The following DNPEP variants were observed in gnomAD, a reference collection of about 807,000 sequenced individuals.
DNPEP encodes the protein aspartyl aminopeptidase.
Under a neutral mutation model 59.1 loss-of-function variants are expected in DNPEP, and 46 were observed. The observed-to-expected ratio is 0.78, with a 90% confidence interval of 0.61 to 0.99. The LOEUF (loss-of-function observed/expected upper bound fraction) is 0.99, where lower values mean the gene tolerates loss of function less well. DNPEP is among the 50% of genes least tolerant of loss of function. DNPEP has a pLI of 0.00. For synonymous variants in DNPEP, 229 were observed against 242.2 expected, an observed-to-expected ratio of 0.95 and a Z score of 0.50; for missense variants, 617 against 649.9, an observed-to-expected ratio of 0.95 and a Z score of 0.55.
intron 10 of DNPEP, among the ~76,000 whole-genome samples, chr2:219,382,412 C>A (rs1478807647): frequency 6.6e-6 from 1 of 152,216 alleles, no homozygotes; most frequent in African/African-American, 2.4e-5. Context: ...AGGTGCCCCA[C>A]CACACTGGTC....
intron 10 of DNPEP, 107 bp downstream of exon 10, chr2:219,383,022 CCT>C (rs1281135458): frequency 6.6e-6 from 6 of 904,902 alleles, no homozygotes; most frequent in South Asian, 3.0e-5. Flanking sequence ...CAGCATCTCC[CCT>C]GTCTTGGGGC....
At chr2:219,381,688 C>CACTGGGCTGGGCGGGAAA in intron 11 of DNPEP, 104 bp from the exon 12 acceptor site, 1 of 1,329,772 alleles carries the variant, frequency 7.5e-7, no homozygotes, top group Non-Finnish European at 1.1e-6. Context: ...CACTCTTTCC[C>CACTGGGCTGGGCGGGAAA]GCCCAGCCCA....
upstream of DNPEP, among the ~76,000 whole-genome samples, chr2:219,391,307 A>C (rs1954012604): frequency 6.6e-6 from 1 of 152,120 alleles, no homozygotes; most frequent in African/African-American, 2.4e-5. Context: ...GTATGTTTGC[A>C]CAGACCTTTA....
At chr2:219,398,543 G>A (rs1473478162) in intron 1 of DNPEP, among the ~76,000 whole-genome samples, 1 of 152,100 alleles carries the variant, frequency 6.6e-6, no homozygotes, top group Non-Finnish European at 1.5e-5. Context: ...CTAGCTACTT[G>A]GGAGGATGAG....
At chr2:219,376,378 C>G (rs1039318845) in intron 13 of DNPEP, among the ~76,000 whole-genome samples, 1 of 151,702 alleles carries the variant, frequency 6.6e-6, no homozygotes, top group Non-Finnish European at 1.5e-5. Context: ...ATCCCAGCTA[C>G]TCAGGTGGCT....
chr2:219,386,487 A>AAC, intron 4 of DNPEP, 76 bp from the exon 5 acceptor site: 1 of 1,583,914 alleles, frequency 6.3e-7, no homozygotes. Context: ...ACTCATAAGT[A>AAC]ACAGACAGCG....
chr2:219,389,802 C>T (rs1390614213), upstream of DNPEP, among the ~76,000 whole-genome samples: 1 of 144,774 alleles, frequency 6.9e-6, no homozygotes, highest in African/African-American at 2.7e-5. Flanking sequence ...CACTGCACTC[C>T]AGCCTGGGCG....
At chr2:219,380,860 C>CACACACACACACACACAT (rs1953567326) in intron 13 of DNPEP, among the ~76,000 whole-genome samples, 1 of 151,986 alleles carries the variant, frequency 6.6e-6, no homozygotes, top group African/African-American at 2.4e-5. Flanking sequence ...CACACACACA[C>CACACACACACACACACAT]ACTGAGGAGA....
rs563852167 is a variant in DNPEP, at chr2:219,383,995, T to G, written c.852+371A>C. Among the ~76,000 whole-genome samples, 24 of 151,820 alleles carry G rather than the reference T, an allele frequency of 1.6e-4. No homozygotes were observed. In the South Asian group the frequency reaches 4.8e-3, roughly 30 times the overall value. ...AGGCTGGGGTCTTAAGCCTGGGGAG[T>G]GGCGTAGGAAGCAGAAGGAGGTGGA... On this transcript the variant is annotated intron_variant, in intron 9 of 14. Coordinates refer to ENST00000273075, the MANE Select transcript of DNPEP (RefSeq NM_012100.4).
intron 13 of DNPEP, among the ~76,000 whole-genome samples, chr2:219,375,770 C>T (rs1333680385): frequency 6.6e-6 from 1 of 152,154 alleles, no homozygotes; most frequent in Non-Finnish European, 1.5e-5. Flanking sequence ...CCATATTGGC[C>T]AGGCTGTTCT....
chr2:219,385,362 G>A, intron 8 of DNPEP, 62 bp downstream of exon 8: 1 of 1,162,612 alleles, frequency 8.6e-7, no homozygotes, highest in South Asian at 1.3e-5. Flanking sequence ...CAGCAGGACG[G>A]GCTAGGGGTG....
rs760261987 is a variant in DNPEP, at chr2:219,386,769, T to C, written c.229A>G (p.Thr77Ala). Reference protein sequence around the residue: ...NIKPESKYFMTRNSSTIIAFA... With the variant: ...NIKPESKYFMARNSSTIIAFA... ...GCTATGATGGTGGAGGAGTTCCTGG[T>C]CATGAAGTACTGAGGAGAAGGGGAG... Residue 77 changes from threonine to alanine, a missense_variant, in exon 4 of 15, where the codon ACC becomes GCC. Thr to Ala is a moderately conservative substitution (Grantham distance 58, BLOSUM62 0). Coordinates refer to ENST00000273075, the MANE Select transcript of DNPEP (RefSeq NM_012100.4). 3.7e-6 allele frequency: 6 copies of C among 1,612,846 alleles called. No homozygotes were observed. The highest frequency in any genetic ancestry group is 5.1e-6 in the Non-Finnish European group (6 of 1,179,498).
At chr2:219,399,887 G>A (rs1403943327) in intron 1 of DNPEP, 2 of 1,550,456 alleles carry the variant, frequency 1.3e-6, no homozygotes, top group African/African-American at 2.7e-5. Context: ...CATTGAGCCA[G>A]CTGTTGGGGA....
Position 219,376,818 on chromosome 2 carries a change from A to G in DNPEP, c.1240-1796T>C, listed in dbSNP as rs2125126575. On this transcript the variant is annotated intron_variant, in intron 13 of 14. Coordinates refer to ENST00000273075, the MANE Select transcript of DNPEP (RefSeq NM_012100.4). ...GGTTAATAGGGAACTCATCACTTGT[A>G]TGGGTCACTGTCAGGTCAATAGGGG... Among the ~76,000 whole-genome samples the G allele has an allele frequency of 1.3e-5, 2 of 152,274 alleles. 1 individual carries two copies. Among genetic ancestry groups the G allele is most frequent in the Middle Eastern group, 6.8e-3 (2 of 294 alleles).
intron 13 of DNPEP, among the ~76,000 whole-genome samples, chr2:219,379,243 CT>C (rs1427051938): frequency 6.6e-6 from 1 of 150,904 alleles, no homozygotes; most frequent in East Asian, 1.9e-4. Context: ...TGTACTCCTA[CT>C]TATTAGAAAA....
At chr2:219,399,534 G>C (rs1209511661) in intron 1 of DNPEP, 1 of 517,782 alleles carries the variant, frequency 1.9e-6, no homozygotes, top group Admixed American at 2.3e-5. Flanking sequence ...AGATCACCCT[G>C]AGAAACACTA....
chr2:219,385,702 G>A lies in DNPEP; in HGVS notation c.595C>T (p.Pro199Ser), dbSNP rs1182831659. ...FGPNTEMHLV[P>S]ILATAIQEEL... The stretch of plus-strand genomic sequence containing the variant: ...TCCTGGATGGCTGTGGCAAGAATGG[G>A]GACTCTGTGGGGAGACGTGGGTTGT... The change falls in exon 7 of 15, where the codon CCC (proline) becomes TCC (serine). Residue 199 changes from proline to serine, a missense_variant. Coordinates refer to ENST00000273075, the MANE Select transcript of DNPEP (RefSeq NM_012100.4). The A allele has an allele frequency of 6.2e-7, 1 of 1,602,198 alleles. No individual in the cohort carries two copies. Among genetic ancestry groups the A allele is most frequent in the South Asian group, 1.1e-5 (1 of 89,190 alleles).
intron 1 of DNPEP, chr2:219,399,898 C>T (rs778113672): frequency 1.4e-5 from 21 of 1,550,416 alleles, no homozygotes; most frequent in Admixed American, 5.9e-5. Context: ...CTGTTGGGGA[C>T]GAACATGATG....
intron 11 of DNPEP, 83 bp downstream of exon 11, chr2:219,381,896 T>G (rs1036256856): frequency 1.3e-6 from 2 of 1,529,426 alleles, no homozygotes; most frequent in Middle Eastern, 1.7e-4. Context: ...AGGAAGAGGC[T>G]GGGGCCAAGG....
Sources: gnomAD v4.1 joint callset for allele counts (sites outside exome capture counted in the v4.1 genomes callset) on GRCh38, gnomAD v4.1.1 for gene constraint, MANE v1.5 for transcripts, NCBI Gene and HGNC (gene_info 2026-07-23, HGNC 2026-07-21) for gene names.